GRIP1: variants seen among roughly 807,000 people sequenced by gnomAD.
The protein encoded by GRIP1 is glutamate receptor-interacting protein 1.
GRIP1 carries 45 observed loss-of-function variants against 129.9 expected under a neutral mutation model. That is an observed-to-expected ratio of 0.35 (90% CI 0.27 to 0.44). The LOEUF (loss-of-function observed/expected upper bound fraction) is 0.44, where lower values mean the gene tolerates loss of function less well. Among genes scored for constraint, GRIP1 ranks in the 20% least tolerant of loss-of-function variants. The probability of loss-of-function intolerance (pLI) is 1.00; values close to 1 mark genes in which losing one functional copy is unlikely to be tolerated. For missense variants in GRIP1, 1,196 were observed against 1,396.8 expected, an observed-to-expected ratio of 0.86 and a Z score of 2.29; for synonymous variants, 530 against 520.8, an observed-to-expected ratio of 1.02 and a Z score of -0.24.
chr12:66,356,057 C>T (rs74097922), intron 23 of GRIP1, among the ~76,000 whole-genome samples: 5,624 of 152,196 alleles, frequency 0.037, 365 homozygotes, highest in African/African-American at 0.13. Flanking sequence ...TGTGTGGACA[C>T]GAGAGGGAGG....
rs2061390621 is a variant in GRIP1, at chr12:66,530,003, C to A, written c.419-89G>T. ...CAATGTGGCATAAAATATTACAGAT[C>A]CCTGTTGCAAATAAGTTTTGAGTAA... On this transcript the variant is annotated intron_variant, in intron 4 of 24. Coordinates refer to ENST00000359742, the MANE Select transcript of GRIP1 (RefSeq NM_001366722.1). 3 of 829,242 alleles carry A rather than the reference C, an allele frequency of 3.6e-6. No individual in the cohort carries two copies. The East Asian group carries it at 7.4e-5, about 20-fold the overall frequency. The allele number at this position is 829,242 out of a possible 1,614,324, so 51.4% of individuals were successfully genotyped here.
chr12:66,869,381 A>G (rs1460144647), intron 1 of GRIP1, among the ~76,000 whole-genome samples: 1 of 152,108 alleles, frequency 6.6e-6, no homozygotes, highest in Non-Finnish European at 1.5e-5. Context: ...TTTCCAAGTG[A>G]ATTGCATGGT....
chr12:66,966,535 T>C (rs1439045462), intron 1 of GRIP1, among the ~76,000 whole-genome samples: 1 of 152,194 alleles, frequency 6.6e-6, no homozygotes, highest in East Asian at 1.9e-4. Flanking sequence ...AATATTATTT[T>C]CTGTTCTAGG....
At chr12:66,389,096 T>C (rs1304832591) in intron 19 of GRIP1, among the ~76,000 whole-genome samples, 1 of 152,196 alleles carries the variant, frequency 6.6e-6, no homozygotes, top group Non-Finnish European at 1.5e-5. Flanking sequence ...AGAGAGAATG[T>C]GCAGGGGCTT....
chr12:66,492,399 AT>A (rs547774592), intron 7 of GRIP1, among the ~76,000 whole-genome samples: 3 of 152,040 alleles, frequency 2.0e-5, no homozygotes, highest in Non-Finnish European at 2.9e-5. Flanking sequence ...ATGGGACTAG[AT>A]TTTTTTTAAT....
rs2034467737 is a variant in GRIP1, at chr12:66,678,972, A to G, written c.-68T>C. ...CTGCTCTGGTGGCTGCAGCAGCAGC[A>G]GCATATGAATTCCTTGCGCACATAC... is the stretch of plus-strand genomic sequence containing the variant. On this transcript the variant is annotated 5_prime_UTR_variant, in exon 1 of 25. Coordinates refer to ENST00000359742, the MANE Select transcript of GRIP1 (RefSeq NM_001366722.1). The G allele has an allele frequency of 6.8e-6, 11 of 1,611,050 alleles. No individual in the cohort carries two copies. The highest frequency in any genetic ancestry group is 9.3e-6 in the Non-Finnish European group (11 of 1,178,310).
chr12:66,640,984 C>CT (rs774232309), intron 1 of GRIP1, among the ~76,000 whole-genome samples: 37 of 152,064 alleles, frequency 2.4e-4, no homozygotes, highest in South Asian at 1.2e-3. Context: ...GTGCCAATAA[C>CT]TTTTTTTTTC....
At chr12:66,880,542 G>C (rs908282509) in intron 1 of GRIP1, among the ~76,000 whole-genome samples, 7 of 152,130 alleles carry the variant, frequency 4.6e-5, no homozygotes, top group African/African-American at 1.7e-4. Context: ...AGAGGATGAA[G>C]ACAGAGTGAT....
At chr12:66,430,629 G>T (rs183481406) in intron 14 of GRIP1, among the ~76,000 whole-genome samples, 1 of 152,226 alleles carries the variant, frequency 6.6e-6, no homozygotes, top group Admixed American at 6.5e-5. Context: ...GCATATAAAT[G>T]TCTACTTTTT....
At chr12:66,606,648 C>G (rs1043704847) in intron 1 of GRIP1, among the ~76,000 whole-genome samples, 3 of 152,060 alleles carry the variant, frequency 2.0e-5, no homozygotes, top group African/African-American at 7.2e-5. Flanking sequence ...TTCCATTTTA[C>G]AAAAGGAGTA....
intron 2 of GRIP1, among the ~76,000 whole-genome samples, chr12:66,590,194 C>A (rs1473784636): frequency 6.6e-6 from 1 of 152,114 alleles, no homozygotes; most frequent in African/African-American, 2.4e-5. Context: ...AAGGGGTACC[C>A]AAACGGGGAT....
Position 66,509,375 on chromosome 12 carries a change from T to C in GRIP1, c.724+6244A>G, listed in dbSNP as rs550381569. Among the ~76,000 whole-genome samples, 4 of 152,314 alleles carry C rather than the reference T, an allele frequency of 2.6e-5. No homozygotes were observed. In the East Asian group the frequency reaches 7.7e-4, roughly 29 times the overall value. On this transcript the variant is annotated intron_variant, in intron 7 of 24. Transcript: ENST00000359742. ...TGAAGAAGTACTACCATCATCCCTA[T>C]TTTAGAGATGGAAAAGTTGAAGCTT...
chr12:67,016,249 G>T (rs1442462519), intron 1 of GRIP1, among the ~76,000 whole-genome samples: 1 of 152,080 alleles, frequency 6.6e-6, no homozygotes, highest in Non-Finnish European at 1.5e-5. Context: ...AGAATTTAAA[G>T]CACTGAGACA....
At chr12:66,436,720 C>T (rs149170262) in intron 13 of GRIP1, among the ~76,000 whole-genome samples, 142 of 152,232 alleles carry the variant, frequency 9.3e-4, no homozygotes, top group African/African-American at 3.3e-3. Flanking sequence ...CAGTGGCTCA[C>T]ACCTGTAACC....
intron 13 of GRIP1, among the ~76,000 whole-genome samples, chr12:66,444,090 TCA>T (rs1208468618): frequency 6.6e-6 from 1 of 152,252 alleles, no homozygotes; most frequent in Non-Finnish European, 1.5e-5. Flanking sequence ...ACATTTATTT[TCA>T]GTTGTTCTTG....
intron 1 of GRIP1, among the ~76,000 whole-genome samples, chr12:66,862,214 G>C (rs1326540867): frequency 6.6e-6 from 1 of 152,014 alleles, no homozygotes; most frequent in Non-Finnish European, 1.5e-5. Context: ...GCTCTACTGA[G>C]GTTTTCCTAA....
At chr12:66,842,654 A>T (rs964344717) in intron 1 of GRIP1, among the ~76,000 whole-genome samples, 3 of 152,242 alleles carry the variant, frequency 2.0e-5, no homozygotes, top group Non-Finnish European at 4.4e-5. Flanking sequence ...TAGATAAAAC[A>T]AAAATGCCCA....
At chr12:66,628,160 T>C (rs1326113561) in intron 1 of GRIP1, among the ~76,000 whole-genome samples, 1 of 152,182 alleles carries the variant, frequency 6.6e-6, no homozygotes, top group Non-Finnish European at 1.5e-5. Flanking sequence ...TCAAATGTCA[T>C]CTCTTCAGAG....
intron 1 of GRIP1, among the ~76,000 whole-genome samples, chr12:66,994,535 G>C (rs61918821): frequency 6.6e-6 from 1 of 151,356 alleles, no homozygotes; most frequent in Non-Finnish European, 1.5e-5. Context: ...AACATCATAC[G>C]TGATGAAAGA....
Sources: gnomAD v4.1 joint callset for allele counts (sites outside exome capture counted in the v4.1 genomes callset) on GRCh38, gnomAD v4.1.1 for gene constraint, MANE v1.5 for transcripts, NCBI Gene and HGNC (gene_info 2026-07-23, HGNC 2026-07-21) for gene names.